Variants in TLN1 observed in about 807,000 individuals in gnomAD.
TLN1 encodes talin-1.
TLN1 carries 56 observed loss-of-function variants against 292.3 expected under a neutral mutation model. That is an observed-to-expected ratio of 0.19 (90% CI 0.15 to 0.24). The LOEUF (loss-of-function observed/expected upper bound fraction) is 0.24, where lower values mean the gene tolerates loss of function less well. TLN1 is among the 10% of genes least tolerant of loss of function. TLN1 has a pLI of 1.00. For missense variants in TLN1, 2,433 were observed against 3,248.2 expected, an observed-to-expected ratio of 0.75 and a Z score of 6.10; for synonymous variants, 1,119 against 1,253.7, an observed-to-expected ratio of 0.89 and a Z score of 2.27.
At chr9:35,702,140 C>G (rs766452867) in intron 48 of TLN1, among the ~76,000 whole-genome samples, 1 of 152,120 alleles carries the variant, frequency 6.6e-6, no homozygotes, top group African/African-American at 2.4e-5. Flanking sequence ...TGGCAACAGC[C>G]TGGATATGGT....
chr9:35,707,297 G>A lies in TLN1; in HGVS notation c.4774-44C>T. The A allele has an allele frequency of 1.2e-6, 2 of 1,608,156 alleles. No homozygotes were observed. Among genetic ancestry groups the A allele is most frequent in the Middle Eastern group, 1.7e-4 (1 of 6,038 alleles). The stretch of plus-strand genomic sequence containing the variant: ...GGAAGGTAAGTCTCAGGAGTCCCTG[G>A]AAGATGAGGTGATAAGCTGGCCCAT... On this transcript the variant is annotated intron_variant, in intron 36 of 56. Transcript: ENST00000314888. The surrounding 1 kb of genome is among the most constrained non-coding windows in gnomAD (Gnocchi z 5.6).
rs879217287 is a variant in TLN1, at chr9:35,713,205, T to C, written c.3343A>G (p.Asn1115Asp). ...CTCTCTGCCCACATACCTGCATAATTCTCATTGCCCTGGGCAACCTCTCCC... is the reference window on the plus strand; with the variant it reads ...CTCTCTGCCCACATACCTGCATAATCCTCATTGCCCTGGGCAACCTCTCCC... ...LLGEVAQGNE[N>D]YAGIAARDVA... The change falls in exon 26 of 57, where the codon AAT becomes GAT. Residue 1115 changes from asparagine (N) to aspartate (D), a missense_variant. This residue lies in a region of TLN1 where 1,384 missense variants were observed against 1,699.6 expected (regional missense o/e 0.81). Coordinates refer to ENST00000314888, the MANE Select transcript of TLN1 (RefSeq NM_006289.4). The C allele has an allele frequency of 1.9e-6, 3 of 1,594,706 alleles. No homozygotes were observed. Among genetic ancestry groups the C allele is most frequent in the Non-Finnish European group, 2.6e-6 (3 of 1,163,904 alleles).
At position 35,699,536 on chromosome 9, in the gene TLN1, C is replaced by T. The variant is rs1041805294; in HGVS notation, c.6769-75G>A. On this transcript the variant is annotated intron_variant, in intron 50 of 56. Coordinates refer to ENST00000314888, the MANE Select transcript of TLN1 (RefSeq NM_006289.4). This position sits in a 1 kb window ranked among gnomAD's most constrained non-coding sequence, Gnocchi z 4.0. The stretch of plus-strand genomic sequence containing the variant: ...CCCTGATCTATGAAATAGGGCAGAC[C>T]ATGGCCCCCTCACCCCTATCCCTAG... 18 of 1,518,536 alleles carry T rather than the reference C, an allele frequency of 1.2e-5. No homozygotes were observed. The African/African-American group carries it at 2.3e-4, about 20-fold the overall frequency. The allele number at this position is 1,518,536 out of a possible 1,614,324, so 94.1% of individuals were successfully genotyped here.
Position 35,704,034 on chromosome 9 carries a change from T to C in TLN1, c.6188A>G (p.Lys2063Arg). Residue 2063 changes from lysine (K) to arginine (R), a missense_variant, in exon 46 of 57, where the codon AAG becomes AGG. This residue lies in a region of TLN1 where 1,384 missense variants were observed against 1,699.6 expected (regional missense o/e 0.81). Transcript: ENST00000314888. This position sits in a 1 kb window ranked among gnomAD's most constrained non-coding sequence, Gnocchi z 6.9. ...ATITRLADVV[K>R]LGAASLGAED... ...AGCTCCCAGGCTGGCTGCACCCAGC[T>C]TGACCACATCAGCGAGGCGGGTGAT... is the stretch of plus-strand genomic sequence containing the variant. 6.2e-7 allele frequency: 1 copy of C among 1,613,896 alleles called. No homozygotes were observed. Among genetic ancestry groups the C allele is most frequent in the Non-Finnish European group, 8.5e-7 (1 of 1,179,862 alleles).
At chr9:35,725,345 T>C in intron 2 of TLN1, 24 bp from the exon 3 acceptor site, 1 of 1,611,908 alleles carries the variant, frequency 6.2e-7, no homozygotes, top group Non-Finnish European at 8.5e-7. Context: ...TGGATCACTT[T>C]AGGCTTATGA....
In TLN1 at chr9:35,706,625, T is replaced by C; in HGVS notation, c.5089-74A>G. ...CTCTGGCTACAAAGAACTGCTCTTC[T>C]GTCCATACCAAATACCCTAACCCTC... On this transcript the variant is annotated intron_variant, in intron 38 of 56. Transcript: ENST00000314888. The surrounding 1 kb of genome is among the most constrained non-coding windows in gnomAD (Gnocchi z 4.2). The C allele has an allele frequency of 1.3e-6, 2 of 1,593,788 alleles. No homozygotes were observed. The highest frequency in any genetic ancestry group is 1.7e-6 in the Non-Finnish European group (2 of 1,165,512).
In TLN1 at chr9:35,714,245, G is replaced by A; in HGVS notation, c.3114C>T (p.Ala1038=). Reference sequence around the variant, plus strand: ...CCAGAACCAGCTTCCATACCTTCTGGGCAGCCGTCCGGAGTTCAGCCAGCG... The same window carrying A: ...CCAGAACCAGCTTCCATACCTTCTGAGCAGCCGTCCGGAGTTCAGCCAGCG... ...GTALAELRTA[A]QKAQEACGPL... is the part of the protein sequence containing the mutation. The change falls in exon 24 of 57, where the codon GCC becomes GCT. Residue 1038 remains alanine, a synonymous_variant. Coordinates refer to ENST00000314888, the MANE Select transcript of TLN1 (RefSeq NM_006289.4). The surrounding 1 kb of genome is among the most constrained non-coding windows in gnomAD (Gnocchi z 4.6). 6.2e-7 allele frequency: 1 copy of A among 1,609,286 alleles called. No homozygotes were observed. The highest frequency in any genetic ancestry group is 1.3e-5 in the African/African-American group (1 of 74,920).
rs1332089542 is a variant in TLN1, at chr9:35,705,634, G to A, written c.5650C>T (p.Pro1884Ser). The A allele has an allele frequency of 1.2e-6, 2 of 1,608,520 alleles. No homozygotes were observed. Among genetic ancestry groups the A allele is most frequent in the Non-Finnish European group, 1.7e-6 (2 of 1,175,450 alleles). The stretch of plus-strand genomic sequence containing the variant: ...TCACTGGTCAGCTGGTTAGCAAGAG[G>A]GCCCAGCTCCTCTGGGCTGGTGTTT... Reference protein sequence around the residue: ...KSNTSPEELGPLANQLTSDYG... With the variant: ...KSNTSPEELGSLANQLTSDYG... Residue 1884 changes from proline (P) to serine (S), a missense_variant, in exon 43 of 57, where the codon CCT becomes TCT. Pro to Ser is a moderately conservative substitution (Grantham distance 74). Around this residue, in one of 7 missense-constraint regions of TLN1, gnomAD observed 1,384 missense variants for 1,699.6 expected, o/e 0.81. Transcript: ENST00000314888.
intron 1 of TLN1, among the ~76,000 whole-genome samples, chr9:35,728,101 T>C (rs1349087421): frequency 2.0e-5 from 3 of 152,066 alleles, no homozygotes; most frequent in Non-Finnish European, 4.4e-5. Context: ...CCTCCCTCAA[T>C]ACATTCCTGC....
chr9:35,710,140 G>A (rs960625008), intron 33 of TLN1, among the ~76,000 whole-genome samples: 11 of 146,086 alleles, frequency 7.5e-5, no homozygotes, highest in African/African-American at 1.8e-4. Flanking sequence ...GGAGACTAGC[G>A]TGAACCCGGG....
chr9:35,725,759 C>G, intron 1 of TLN1, 32 bp from the exon 2 acceptor site: 1 of 1,588,510 alleles, frequency 6.3e-7, no homozygotes, highest in African/African-American at 1.3e-5. Flanking sequence ...TTAGAATACA[C>G]TCTTCTGGTG....
Position 35,699,046 on chromosome 9 carries a change from G to C in TLN1, c.6985C>G (p.Arg2329Gly), listed in dbSNP as rs117039868. The change falls in exon 52 of 57, where the codon CGG (arginine) becomes GGG (glycine). Residue 2329 changes from arginine to glycine, a missense_variant. By Grantham distance (125) the Arg-to-Gly change is moderately radical. This residue lies in a region of TLN1 where 1,384 missense variants were observed against 1,699.6 expected (regional missense o/e 0.81). Transcript: ENST00000314888. This position sits in a 1 kb window ranked among gnomAD's most constrained non-coding sequence, Gnocchi z 4.0. ...AAKKLEQLKP[R>G]AKPKEADESL... ...GCAGGACTGACCTTGGGTTTGGCCC[G>C]GGGCTTCAGCTGCTCTAGCTTTTTG... 1.2e-6 allele frequency: 2 copies of C among 1,613,146 alleles called. No individual in the cohort carries two copies. Among genetic ancestry groups the C allele is most frequent in the South Asian group, 2.2e-5 (2 of 91,046 alleles).
Position 35,700,187 on chromosome 9 carries a change from C to G in TLN1, c.6660+4G>C. On this transcript the variant is annotated splice_donor_region_variant and intron_variant, in intron 49 of 56. Transcript: ENST00000314888. ...CCTCACGGAAATGCCTCAAGGATTT[C>G]TACCTTGCAAGCCCGAAGCATATCT... is the stretch of plus-strand genomic sequence containing the variant. 1 of 1,598,088 alleles carries G rather than the reference C, an allele frequency of 6.3e-7. No homozygotes were observed.
chr9:35,725,797 T>C (rs1445254827), intron 1 of TLN1, 70 bp from the exon 2 acceptor site: 1 of 1,439,292 alleles, frequency 6.9e-7, no homozygotes, highest in Non-Finnish European at 9.5e-7. Context: ...GATGGTGGAG[T>C]CCAAGGGAAG....
In TLN1 at chr9:35,719,164, G is replaced by C. The variant is rs754573114; in HGVS notation, c.1806C>G (p.Gly602=). The change falls in exon 16 of 57, where the codon GGC becomes GGG. Residue 602 remains glycine, a synonymous_variant. Transcript: ENST00000314888. This position sits in a 1 kb window ranked among gnomAD's most constrained non-coding sequence, Gnocchi z 4.6. The part of the protein sequence containing the change: ...KLLAALLEDE[G]GSGRPLLQAA... ...CCTGCAACAGGGGCCGACCACTGCC[G>C]CCTTCGTCCTCCAGCAAGGCAGCCA... The C allele has an allele frequency of 1.2e-5, 19 of 1,614,010 alleles. No individual in the cohort carries two copies. The highest frequency in any genetic ancestry group is 1.4e-5 in the Non-Finnish European group (17 of 1,180,016).
In TLN1 at chr9:35,715,143, C is replaced by G. The variant is rs1825755253; in HGVS notation, c.2670G>C (p.Leu890=). 6.2e-7 allele frequency: 1 copy of G among 1,612,920 alleles called. No individual in the cohort carries two copies. The highest frequency in any genetic ancestry group is 8.5e-7 in the Non-Finnish European group (1 of 1,180,046). Residue 890 remains leucine (L), a synonymous_variant, in exon 21 of 57, where the codon CTG becomes CTC. Transcript: ENST00000314888. Reference sequence around the variant, plus strand: ...TGCGCAGCCCCTCAGCTGCCTCCCGCAGCCGCTGCTGCTGCTCCTCACTGT... The same window carrying G: ...TGCGCAGCCCCTCAGCTGCCTCCCGGAGCCGCTGCTGCTGCTCCTCACTGT... The part of the protein sequence containing the change: ...HPDSEEQQQR[L]REAAEGLRMA...
chr9:35,717,832 T>C lies in TLN1; in HGVS notation c.1996-46A>G, dbSNP rs1266812325. ...GCATGACCTGAGATTGGGCTTGGGATTCACAGACACTTCTCAGAGGCGTAA... is the reference window on the plus strand; with the variant it reads ...GCATGACCTGAGATTGGGCTTGGGACTCACAGACACTTCTCAGAGGCGTAA... On this transcript the variant is annotated intron_variant, in intron 17 of 56. Coordinates refer to ENST00000314888, the MANE Select transcript of TLN1 (RefSeq NM_006289.4). The surrounding 1 kb of genome is among the most constrained non-coding windows in gnomAD (Gnocchi z 4.7). 6.4e-7 allele frequency: 1 copy of C among 1,570,316 alleles called. No individual in the cohort carries two copies. The highest frequency in any genetic ancestry group is 1.1e-5 in the South Asian group (1 of 87,340).
intron 48 of TLN1, among the ~76,000 whole-genome samples, chr9:35,701,894 G>A (rs1044913453): frequency 6.6e-6 from 1 of 152,218 alleles, no homozygotes; most frequent in Non-Finnish European, 1.5e-5. Context: ...AAAGGACCAG[G>A]TATGGGAGGC....
chr9:35,708,408 G>T lies in TLN1; in HGVS notation c.4403C>A (p.Ala1468Asp), dbSNP rs771686282. Residue 1468 changes from alanine (A) to aspartate (D), a missense_variant, in exon 34 of 57, where the codon GCC (alanine) becomes GAC (aspartate). By Grantham distance (126) the Ala-to-Asp change is moderately radical. Coordinates refer to ENST00000314888, the MANE Select transcript of TLN1 (RefSeq NM_006289.4). ...CATCTGAATTGCCTGGTTTGCACGG[G>T]CAAACTGTGTGGGCTCCACTAGCCC... Reference protein sequence around the residue: ...QQGLVEPTQFARANQAIQMAC... With the variant: ...QQGLVEPTQFDRANQAIQMAC... 9.3e-6 allele frequency: 15 copies of T among 1,611,128 alleles called. No individual in the cohort carries two copies. Among genetic ancestry groups the T allele is most frequent in the Non-Finnish European group, 1.2e-5 (14 of 1,178,466 alleles).
Sources: allele counts gnomAD v4.1 joint callset (sites outside exome capture counted in the v4.1 genomes callset), GRCh38; gene constraint gnomAD v4.1.1; regional missense constraint gnomAD v4.1.1; non-coding constraint Gnocchi (gnomAD v3.1); transcripts MANE v1.5; gene names NCBI Gene and HGNC (gene_info 2026-07-23, HGNC 2026-07-21).